MGST1: variants seen among roughly 807,000 people sequenced by gnomAD.
MGST1 encodes the protein microsomal glutathione S-transferase 1, also known as glutathione S-transferase 12.
Under a neutral mutation model 8.9 loss-of-function variants are expected in MGST1, and 5 were observed. That is an observed-to-expected ratio of 0.56 (90% confidence interval 0.29 to 1.19). MGST1 has a LOEUF of 1.19. Among genes scored for constraint, MGST1 ranks in the 50% most tolerant of loss-of-function variants. MGST1 has a pLI of 0.08. For synonymous variants in MGST1, 54 were observed against 67.8 expected, an observed-to-expected ratio of 0.80 and a Z score of 1.00; for missense variants, 182 against 187.4, an observed-to-expected ratio of 0.97 and a Z score of 0.17.
intron 4 of MGST1, among the ~76,000 whole-genome samples, chr12:16,533,625 A>G (rs1941735963): frequency 6.6e-6 from 1 of 152,058 alleles, no homozygotes; most frequent in African/African-American, 2.4e-5. Context: ...GCATTGTCCA[A>G]CTGATTGATT....
rs1354756662 is a variant in MGST1, at chr12:16,402,038, G to C, written n.778+18434G>C. ...ACACTCCAATCTTCTTGCCATTCTT[G>C]CTTTCTTTAATGGCTTCAATCATTT... On this transcript the variant is annotated intron_variant and non_coding_transcript_variant, in intron 1 of 1. Transcript: ENST00000359720. 3.1e-6 allele frequency: 5 copies of C among 1,590,392 alleles called. No homozygotes were observed. The Admixed American group carries it at 8.3e-5, about 27-fold the overall frequency.
intron 1 of MGST1, chr12:16,399,992 T>G: frequency 6.9e-7 from 1 of 1,456,246 alleles, no homozygotes; most frequent in Non-Finnish European, 9.6e-7. Context: ...AGGCAGGTAC[T>G]CCTGTAGGGA....
In MGST1 at chr12:16,486,718, C is replaced by T. The variant is rs1006027162; in HGVS notation, n.483-102810C>T. Reference sequence around the variant, plus strand: ...ACTGGCCAGAGCCTAGTGCTTAATACGATCAGTCCTGGAGGAAGGCTCACA... The same window carrying T: ...ACTGGCCAGAGCCTAGTGCTTAATATGATCAGTCCTGGAGGAAGGCTCACA... On this transcript the variant is annotated intron_variant and non_coding_transcript_variant, in intron 4 of 4. Transcript: ENST00000538857. 6.6e-5 allele frequency among the ~76,000 whole-genome samples: 10 copies of T among 152,148 alleles called. 1 individual carries two copies. Among genetic ancestry groups the T allele is most frequent in the African/African-American group, 1.7e-4 (7 of 41,434 alleles).
chr12:16,476,008 CTTCCTCAG>C (rs1941320581), intron 4 of MGST1, among the ~76,000 whole-genome samples: 1 of 152,052 alleles, frequency 6.6e-6, no homozygotes, highest in South Asian at 2.1e-4. Flanking sequence ...AGTAGATTAG[CTTCCTCAG>C]TTTCCATTTT....
At chr12:16,471,069 T>C (rs1941287277) in intron 4 of MGST1, among the ~76,000 whole-genome samples, 1 of 152,230 alleles carries the variant, frequency 6.6e-6, no homozygotes, top group Non-Finnish European at 1.5e-5. Flanking sequence ...CTTTGATACT[T>C]TTCCCTGCTG....
At chr12:16,367,167 C>G (rs1409724197), downstream of MGST1, among the ~76,000 whole-genome samples, 1 of 152,136 alleles carries the variant, frequency 6.6e-6, no homozygotes, top group Non-Finnish European at 1.5e-5. Context: ...TTGGTCTACT[C>G]TTTTCTCCAT....
intron 1 of MGST1, among the ~76,000 whole-genome samples, chr12:16,396,964 A>T (rs1940611299): frequency 6.6e-6 from 1 of 152,118 alleles, no homozygotes. Context: ...AATTAATTTT[A>T]GCCAAAGCAA....
At chr12:16,499,610 C>T (rs892010682) in intron 4 of MGST1, among the ~76,000 whole-genome samples, 2 of 151,884 alleles carry the variant, frequency 1.3e-5, no homozygotes, top group Non-Finnish European at 2.9e-5. Context: ...ACAAAGTTGT[C>T]GTGTCTCAGT....
chr12:16,513,754 C>T lies in MGST1; in HGVS notation n.483-75774C>T, dbSNP rs755167001. 27 of 577,494 alleles carry T rather than the reference C, an allele frequency of 4.7e-5. No homozygotes were observed. The highest frequency in any genetic ancestry group is 3.1e-4 in the Middle Eastern group (1 of 3,228). 35.8% of individuals were successfully genotyped at this position (577,494 alleles called of 1,614,324 possible). On this transcript the variant is annotated intron_variant and non_coding_transcript_variant, in intron 4 of 4. Coordinates refer to the MGST1 transcript ENST00000538857. This position sits in a 1 kb window ranked among gnomAD's most constrained non-coding sequence, Gnocchi z 4.2. ...GAATAGCGAAGTCTCGAAAAGTGGC[C>T]GGTTTGTCACTGTGCAGACCATTTC...
At chr12:16,540,841 C>A (rs908525841) in intron 4 of MGST1, among the ~76,000 whole-genome samples, 1 of 152,096 alleles carries the variant, frequency 6.6e-6, no homozygotes, top group African/African-American at 2.4e-5. Flanking sequence ...ACCCAGGAGG[C>A]GGAGGTTGCA....
intron 4 of MGST1, among the ~76,000 whole-genome samples, chr12:16,480,167 G>T (rs1309986182): frequency 6.8e-6 from 1 of 146,914 alleles, no homozygotes; most frequent in East Asian, 2.0e-4. Context: ...TTTTGAGACG[G>T]AGTCTCACCC....
chr12:16,524,499 T>C (rs1001533068), intron 4 of MGST1, among the ~76,000 whole-genome samples: 2 of 152,092 alleles, frequency 1.3e-5, no homozygotes, highest in African/African-American at 4.8e-5. Context: ...CCACCAATTA[T>C]GTCTATAAAG....
chr12:16,514,327 TC>T (rs1344928052), intron 4 of MGST1: 1 of 297,594 alleles, frequency 3.4e-6, no homozygotes, highest in Non-Finnish European at 6.7e-6. Flanking sequence ...TCCCATGTAT[TC>T]CAACCCTCCC....
chr12:16,422,619 T>C (rs1224966188), intron 1 of MGST1, among the ~76,000 whole-genome samples: 1 of 152,204 alleles, frequency 6.6e-6, no homozygotes, highest in Non-Finnish European at 1.5e-5. Context: ...GATCCCAATG[T>C]ACTGTATCCT....
downstream of MGST1, among the ~76,000 whole-genome samples, chr12:16,368,528 AC>A (rs1416673328): frequency 6.6e-6 from 1 of 152,122 alleles, no homozygotes; most frequent in Non-Finnish European, 1.5e-5. Flanking sequence ...CCAAAGCGGC[AC>A]CTCTACATTC....
chr12:16,574,269 C>T (rs1230739259), intron 4 of MGST1, among the ~76,000 whole-genome samples: 1 of 152,020 alleles, frequency 6.6e-6, no homozygotes, highest in Non-Finnish European at 1.5e-5. Context: ...ACTCTTTAAA[C>T]CTTTTATTTT....
chr12:16,388,442 G>A (rs2137049708), intron 1 of MGST1, among the ~76,000 whole-genome samples: 1 of 152,218 alleles, frequency 6.6e-6, no homozygotes, highest in Middle Eastern at 3.4e-3. Context: ...GTTTACACCA[G>A]CATCGTCACG....
At position 16,546,059 on chromosome 12, in the gene MGST1, T is replaced by C. The variant is rs1304003494; in HGVS notation, n.483-43469T>C. ...GCTGTGCTTTCATTTTAATAGTACC[T>C]GTGTCACAGGGGTGTTGTGGGAATT... On this transcript the variant is annotated intron_variant and non_coding_transcript_variant, in intron 4 of 4. Coordinates refer to the MGST1 transcript ENST00000538857. This position sits in a 1 kb window ranked among gnomAD's most constrained non-coding sequence, Gnocchi z 4.7. 6.6e-6 allele frequency among the ~76,000 whole-genome samples: 1 copy of C among 152,080 alleles called. No individual in the cohort carries two copies. Among genetic ancestry groups the C allele is most frequent in the African/African-American group, 2.4e-5 (1 of 41,446 alleles).
chr12:16,533,745 G>GAT (rs1941737648), intron 4 of MGST1, among the ~76,000 whole-genome samples: 1 of 151,458 alleles, frequency 6.6e-6, no homozygotes, highest in Non-Finnish European at 1.5e-5. Flanking sequence ...AAAAGTTTGT[G>GAT]ATCAATTACT....
Sources: allele counts gnomAD v4.1 joint callset (sites outside exome capture counted in the v4.1 genomes callset), GRCh38; gene constraint gnomAD v4.1.1; non-coding constraint Gnocchi (gnomAD v3.1); transcripts MANE v1.5; gene names NCBI Gene and HGNC (gene_info 2026-07-23, HGNC 2026-07-21).